The following MAK16 variants were observed in gnomAD, a reference collection of about 807,000 sequenced individuals.
MAK16 encodes MAK16 homolog.
MAK16 carries 12 observed loss-of-function variants against 49.9 expected under a neutral mutation model. That is an observed-to-expected ratio of 0.24 (90% CI 0.15 to 0.39). MAK16 has a LOEUF of 0.39. Ranked by LOEUF, MAK16 falls within the 10% of genes least tolerant of loss-of-function variation. MAK16 has a pLI of 1.00. For missense variants in MAK16, 292 were observed against 363.7 expected, an observed-to-expected ratio of 0.80 and a Z score of 1.60; for synonymous variants, 115 against 126.4, an observed-to-expected ratio of 0.91 and a Z score of 0.60.
Position 33,490,430 on chromosome 8 carries a change from G to A in MAK16, c.447+91G>A, listed in dbSNP as rs1437383226. 4 of 960,460 alleles carry A rather than the reference G, an allele frequency of 4.2e-6. No homozygotes were observed. The Admixed American group carries it at 9.1e-5, about 22-fold the overall frequency. 59.5% of individuals were successfully genotyped at this position (960,460 alleles called of 1,614,324 possible). ...TCACCATCATTATGTAAACTGTTGAGGCCTTGGATAATGGTTCACTAATAG... is the reference window on the plus strand; with the variant it reads ...TCACCATCATTATGTAAACTGTTGAAGCCTTGGATAATGGTTCACTAATAG... On this transcript the variant is annotated intron_variant, in intron 6 of 9. Transcript: ENST00000360128.
At chr8:33,486,697 A>G (rs935712988) in intron 1 of MAK16, among the ~76,000 whole-genome samples, 16 of 152,242 alleles carry the variant, frequency 1.1e-4, no homozygotes, top group African/African-American at 3.9e-4. Flanking sequence ...GAAGAAGAAA[A>G]GGAAGAAATC....
intron 1 of MAK16, 104 bp downstream of exon 1, chr8:33,485,325 C>A: frequency 6.8e-7 from 1 of 1,480,382 alleles, no homozygotes; most frequent in Non-Finnish European, 9.4e-7. Flanking sequence ...TTGCCTCGTG[C>A]CGCTCTGGAT....
chr8:33,488,308 T>C lies in MAK16; in HGVS notation c.16-70T>C. 4.1e-6 allele frequency: 6 copies of C among 1,468,896 alleles called. No homozygotes were observed. The South Asian group carries it at 6.9e-5, about 17-fold the overall frequency. The allele number at this position is 1,468,896 out of a possible 1,614,324, so 91.0% of individuals were successfully genotyped here. ...TCCTCTCATTCCTGTCCTTGGGCATTGCCTTCTTGAATTAATATAGTATCT... is the reference window on the plus strand; with the variant it reads ...TCCTCTCATTCCTGTCCTTGGGCATCGCCTTCTTGAATTAATATAGTATCT... On this transcript the variant is annotated intron_variant, in intron 1 of 9. Transcript: ENST00000360128.
rs1297837227 is a variant in MAK16 at position 33,501,128 on chromosome 8, A to G, written c.*2499A>G. On this transcript the variant is annotated 3_prime_UTR_variant, in exon 10 of 10. Transcript: ENST00000360128. Reference sequence around the variant, plus strand: ...ATGCCACTGAACTGTACACTTTAAAATGGAAAATTTATATGTATTTTTACC... The same window carrying G: ...ATGCCACTGAACTGTACACTTTAAAGTGGAAAATTTATATGTATTTTTACC... 1 of 152,240 alleles carries G rather than the reference A, an allele frequency of 6.6e-6. No individual in the cohort carries two copies. Among genetic ancestry groups the G allele is most frequent in the Non-Finnish European group, 1.5e-5 (1 of 68,046 alleles). 9.4% of individuals were successfully genotyped at this position (152,240 alleles called of 1,614,324 possible).
chr8:33,497,188 C>G, intron 8 of MAK16, 44 bp from the exon 9 acceptor site: 2 of 1,402,728 alleles, frequency 1.4e-6, no homozygotes. Flanking sequence ...TAATCTGAAT[C>G]TTCATTATGT....
chr8:33,495,558 C>T lies in MAK16; in HGVS notation c.464C>T (p.Ala155Val), dbSNP rs151212971. The T allele has an allele frequency of 4.3e-6, 7 of 1,613,566 alleles. No individual in the cohort carries two copies. In the African/African-American group the frequency reaches 8.0e-5, roughly 18 times the overall value. The change falls in exon 7 of 10, where the codon GCT becomes GTT. Residue 155 changes from alanine (A) to valine (V), a missense_variant. Ala to Val is a moderately conservative substitution (Grantham distance 64). Transcript: ENST00000360128. ...EKRREEKALI[A>V]AQLDNAIEKE... ...CCCTTATAGGAAAAGGCATTAATAG[C>T]TGCTCAGCTGGACAATGCCATTGAG...
rs2128823624 is a variant in MAK16, at chr8:33,489,660, G to T, written c.392+521G>T. On this transcript the variant is annotated intron_variant, in intron 5 of 9. Transcript: ENST00000360128. The surrounding 1 kb of genome is among the most constrained non-coding windows in gnomAD (Gnocchi z 4.2). ...CAAAGTGCTGGGATTACAGGCATGA[G>T]CCACCATGCCCAGCCTTCAGAAAAT... Among the ~76,000 whole-genome samples, 1 of 152,262 alleles carries T rather than the reference G, an allele frequency of 6.6e-6. No homozygotes were observed. Among genetic ancestry groups the T allele is most frequent in the South Asian group, 2.1e-4 (1 of 4,820 alleles).
Position 33,500,402 on chromosome 8 carries a change from C to T in MAK16, c.*1773C>T, listed in dbSNP as rs1430947431. On this transcript the variant is annotated 3_prime_UTR_variant, in exon 10 of 10. Coordinates refer to ENST00000360128, the MANE Select transcript of MAK16 (RefSeq NM_032509.4). Reference sequence around the variant, plus strand: ...GCCTCCTGTAGCAGGGCGCTCTTAACAGACTCAGGTGTAAGGTTTGGATCC... The same window carrying T: ...GCCTCCTGTAGCAGGGCGCTCTTAATAGACTCAGGTGTAAGGTTTGGATCC... 3 of 1,614,156 alleles carry T rather than the reference C, an allele frequency of 1.9e-6. No homozygotes were observed. Among genetic ancestry groups the T allele is most frequent in the Admixed American group, 1.7e-5 (1 of 60,010 alleles).
chr8:33,499,261 A>C lies in MAK16; in HGVS notation c.*632A>C, dbSNP rs945975300. On this transcript the variant is annotated 3_prime_UTR_variant, in exon 10 of 10. Coordinates refer to ENST00000360128, the MANE Select transcript of MAK16 (RefSeq NM_032509.4). ...TTTTCTGTCTTCACAGCTTTGGGGA[A>C]TTTTGGCCAGGAGACCCTGAAACAT... is the stretch of plus-strand genomic sequence containing the variant. The C allele has an allele frequency of 2.5e-6, 4 of 1,613,582 alleles. No homozygotes were observed. In the Admixed American group the frequency reaches 6.7e-5, roughly 27 times the overall value.
intron 6 of MAK16, among the ~76,000 whole-genome samples, chr8:33,492,872 T>C (rs566298275): frequency 6.6e-6 from 1 of 152,214 alleles, no homozygotes; most frequent in South Asian, 2.1e-4. Flanking sequence ...TTGTTTTTTT[T>C]TGTTTGTTTT....
Position 33,495,574 on chromosome 8 carries a change from T to C in MAK16, c.480T>C (p.Asn160=), listed in dbSNP as rs140385235. ...EKALIAAQLD[N]AIEKELLERL... is the part of the protein sequence containing the mutation. ...CATTAATAGCTGCTCAGCTGGACAATGCCATTGAGAAGGAATTACTGGAGA... is the reference window on the plus strand; with the variant it reads ...CATTAATAGCTGCTCAGCTGGACAACGCCATTGAGAAGGAATTACTGGAGA... Residue 160 remains asparagine (N), a synonymous_variant, in exon 7 of 10, where the codon AAT becomes AAC. Transcript: ENST00000360128. 22 of 1,613,390 alleles carry C rather than the reference T, an allele frequency of 1.4e-5. No individual in the cohort carries two copies. In the African/African-American group the frequency reaches 2.8e-4, roughly 21 times the overall value.
intron 6 of MAK16, among the ~76,000 whole-genome samples, chr8:33,491,241 C>T (rs1354882370): frequency 6.6e-6 from 1 of 152,208 alleles, no homozygotes; most frequent in Non-Finnish European, 1.5e-5. Flanking sequence ...AGCTGTAACA[C>T]ACATGGAGTG....
At position 33,488,810 on chromosome 8, in the gene MAK16, A is replaced by C; in HGVS notation, c.240+12A>C. 1 of 1,614,076 alleles carries C rather than the reference A, an allele frequency of 6.2e-7. No homozygotes were observed. The highest frequency in any genetic ancestry group is 8.5e-7 in the Non-Finnish European group (1 of 1,179,918). On this transcript the variant is annotated intron_variant, in intron 4 of 9. Transcript: ENST00000360128. ...GTCTCTGGGAACGGGTAAGCCTTAC[A>C]ACAAAACTACAGTGACCGCTGATCA...
At chr8:33,497,902 C>T (rs1808902727) in intron 9 of MAK16, among the ~76,000 whole-genome samples, 1 of 151,490 alleles carries the variant, frequency 6.6e-6, no homozygotes, top group African/African-American at 2.4e-5. Flanking sequence ...TCGAGACCAG[C>T]CTGGCCAACA....
At chr8:33,496,513 TTAAG>T in intron 7 of MAK16, 108 bp from the exon 8 acceptor site, 1 of 709,238 alleles carries the variant, frequency 1.4e-6, no homozygotes, top group South Asian at 2.2e-5. Context: ...ACTCATCAAA[TTAAG>T]TATTCTGATT....
intron 8 of MAK16, 30 bp downstream of exon 8, chr8:33,496,771 A>G: frequency 6.8e-7 from 1 of 1,461,768 alleles, no homozygotes; most frequent in Non-Finnish European, 9.4e-7. Context: ...TGCCAAACCT[A>G]CTAGATACCA....
At chr8:33,494,504 T>C (rs1042131611) in intron 6 of MAK16, among the ~76,000 whole-genome samples, 1 of 152,242 alleles carries the variant, frequency 6.6e-6, no homozygotes, top group Non-Finnish European at 1.5e-5. Context: ...AACAGTTAAA[T>C]AGTCGTCTAA....
In MAK16 at chr8:33,499,007, G is replaced by C; in HGVS notation, c.*378G>C. 1 of 635,584 alleles carries C rather than the reference G, an allele frequency of 1.6e-6. No homozygotes were observed. The highest frequency in any genetic ancestry group is 2.7e-6 in the Non-Finnish European group (1 of 367,154). 39.4% of individuals were successfully genotyped at this position (635,584 alleles called of 1,614,324 possible). ...AATGGAAGGAGTTCAATTTTTTCTT[G>C]TTCTACTTTCCCTATTCTTATGGAG... On this transcript the variant is annotated 3_prime_UTR_variant, in exon 10 of 10. Transcript: ENST00000360128.
chr8:33,489,042 A>G lies in MAK16; in HGVS notation c.295A>G (p.Ile99Val). The change falls in exon 5 of 10, where the codon ATT becomes GTT. Residue 99 changes from isoleucine (I) to valine (V), a missense_variant. By Grantham distance (29) the Ile-to-Val change is conservative. Transcript: ENST00000360128. The surrounding 1 kb of genome is among the most constrained non-coding windows in gnomAD (Gnocchi z 4.2). ...ACTGGAGCAAATAGATGAAAATCTG[A>G]TTTACTGGCCCCGTTTCATTCGACA... ...KALEQIDENL[I>V]YWPRFIRHKC... The G allele has an allele frequency of 1.2e-6, 2 of 1,614,160 alleles. No homozygotes were observed. The highest frequency in any genetic ancestry group is 2.2e-5 in the South Asian group (2 of 91,086).
Sources: allele counts gnomAD v4.1 joint callset (sites outside exome capture counted in the v4.1 genomes callset), GRCh38; gene constraint gnomAD v4.1.1; non-coding constraint Gnocchi (gnomAD v3.1); transcripts MANE v1.5; gene names NCBI Gene and HGNC (gene_info 2026-07-23, HGNC 2026-07-21).